The following PKHD1L1 variants were observed in gnomAD, a reference collection of about 807,000 sequenced individuals.
PKHD1L1 encodes PKHD1 like 1.
A neutral mutation model predicts 462.9 loss-of-function variants in PKHD1L1; 434 were observed. The ratio of observed to expected loss-of-function variants is 0.94; its 90% CI spans 0.87 to 1.02. The LOEUF (loss-of-function observed/expected upper bound fraction) is 1.02, where lower values mean the gene tolerates loss of function less well. Ranked by LOEUF, PKHD1L1 falls within the 50% of genes least tolerant of loss-of-function variation. PKHD1L1 has a pLI of 0.00. For missense variants in PKHD1L1, 5,202 were observed against 5,096.1 expected, an observed-to-expected ratio of 1.02 and a Z score of -0.63; for synonymous variants, 1,781 against 1,750.0, an observed-to-expected ratio of 1.02 and a Z score of -0.44.
In PKHD1L1 at chr8:109,406,473, C is replaced by T. The variant is rs1479045422; in HGVS notation, c.1808C>T (p.Thr603Ile). ...GTCTACATGGTAACATTCATATCAA[C>T]TAGAGGTAAGCATGTACTTAATTTT... ...SYVYMVTFISTRGDFDLLGYE... is the reference protein window; with the variant it reads ...SYVYMVTFISIRGDFDLLGYE... Residue 603 changes from threonine (T) to isoleucine (I), a missense_variant, in exon 17 of 78, where the codon ACT (threonine) becomes ATT (isoleucine). Thr to Ile is a moderately conservative substitution (Grantham distance 89). This residue lies in a region of PKHD1L1 where 4,497 missense variants were observed against 4,336.8 expected (regional missense o/e 1.04). Transcript: ENST00000378402. 1.9e-6 allele frequency: 3 copies of T among 1,598,102 alleles called. No homozygotes were observed. The highest frequency in any genetic ancestry group is 1.7e-6 in the Non-Finnish European group (2 of 1,172,274).
chr8:109,450,078 T>C (rs752315558), intron 40 of PKHD1L1, among the ~76,000 whole-genome samples: 23 of 152,216 alleles, frequency 1.5e-4, no homozygotes, highest in Admixed American at 6.5e-4. Flanking sequence ...GAGCCTGGGC[T>C]CTGAGGAGTT....
At chr8:109,408,289 A>C in intron 18 of PKHD1L1, 83 bp downstream of exon 18, 1 of 1,280,812 alleles carries the variant, frequency 7.8e-7, no homozygotes, top group Non-Finnish European at 1.0e-6. Flanking sequence ...CAGATGGGAA[A>C]GAGATGTTAC....
intron 2 of PKHD1L1, among the ~76,000 whole-genome samples, chr8:109,367,728 T>A (rs1413022136): frequency 6.6e-6 from 1 of 152,118 alleles, no homozygotes; most frequent in Non-Finnish European, 1.5e-5. Context: ...AGACCCTGTC[T>A]CTACAAATGA....
At chr8:109,521,581 C>G (rs924724447) in intron 73 of PKHD1L1, among the ~76,000 whole-genome samples, 17 of 152,010 alleles carry the variant, frequency 1.1e-4, no homozygotes, top group African/African-American at 3.6e-4. Flanking sequence ...CATTAAGGTA[C>G]CACTTTTTAA....
intron 72 of PKHD1L1, 144 bp downstream of exon 72, chr8:109,515,449 A>G: frequency 1.6e-6 from 1 of 630,002 alleles, no homozygotes; most frequent in East Asian, 3.4e-5. Context: ...ACCAAATACT[A>G]AGATGTTTTC....
chr8:109,385,197 A>G (rs1424233265), intron 5 of PKHD1L1, among the ~76,000 whole-genome samples: 1 of 150,206 alleles, frequency 6.7e-6, no homozygotes, highest in Non-Finnish European at 1.5e-5. Flanking sequence ...TTTATTTTTT[A>G]TATTTCATTT....
chr8:109,477,101 C>T (rs1818027205), intron 52 of PKHD1L1, 124 bp from the exon 53 acceptor site: 1 of 819,562 alleles, frequency 1.2e-6, no homozygotes, highest in Non-Finnish European at 1.9e-6. Flanking sequence ...CATACCTCTT[C>T]CATACATGTG....
intron 24 of PKHD1L1, 42 bp downstream of exon 24, chr8:109,425,274 CAT>C (rs1814685538): frequency 2.7e-6 from 4 of 1,472,262 alleles, no homozygotes; most frequent in Non-Finnish European, 3.6e-6. Context: ...TACGCACACA[CAT>C]ATGTATAACC....
rs1294189187 is a variant in PKHD1L1 at position 109,440,707 on chromosome 8, C to T, written c.3957-3C>T. ...TGAAAAATCTATTCATTTTTTTTCT[C>T]AGAGACAAATTAAATTCTTCAATAC... is the stretch of plus-strand genomic sequence containing the variant. On this transcript the variant is annotated splice_region_variant and splice_polypyrimidine_tract_variant and intron_variant, in intron 32 of 77. Transcript: ENST00000378402. The T allele has an allele frequency of 2.5e-6, 4 of 1,601,344 alleles. No homozygotes were observed. The Admixed American group carries it at 6.8e-5, about 27-fold the overall frequency.
In PKHD1L1 at chr8:109,523,338, T is replaced by A; in HGVS notation, c.12436T>A (p.Phe4146Ile). ...CCTTAGTGGAAATACAACAATTCCG[T>A]TTAGCAGCTGTTGGGCCAACTACAC... Reference protein sequence around the residue: ...NGLSGNTTIPFSSCWANYTDL... With the variant: ...NGLSGNTTIPISSCWANYTDL... The change falls in exon 76 of 78, where the codon TTT (phenylalanine) becomes ATT (isoleucine). Residue 4146 changes from phenylalanine (F) to isoleucine (I), a missense_variant. Physicochemically the swap from Phe to Ile is conservative, Grantham distance 21. This residue lies in a region of PKHD1L1 where 698 missense variants were observed against 736.3 expected (regional missense o/e 0.95). Transcript: ENST00000378402. 2 of 1,613,372 alleles carry A rather than the reference T, an allele frequency of 1.2e-6. No individual in the cohort carries two copies. Among genetic ancestry groups the A allele is most frequent in the Non-Finnish European group, 1.7e-6 (2 of 1,179,534 alleles).
chr8:109,436,527 A>G, intron 30 of PKHD1L1, 68 bp downstream of exon 30: 1 of 1,566,602 alleles, frequency 6.4e-7, no homozygotes, highest in Non-Finnish European at 8.7e-7. Flanking sequence ...GAAACATCTC[A>G]GTGGGGCGGG....
intron 21 of PKHD1L1, 68 bp from the exon 22 acceptor site, chr8:109,419,029 C>G (rs1814323884): frequency 7.6e-7 from 1 of 1,323,266 alleles, no homozygotes; most frequent in South Asian, 1.8e-5. Context: ...AATTTTAATG[C>G]TTTCTAAAGT....
chr8:109,384,429 G>C (rs972098137), intron 5 of PKHD1L1, among the ~76,000 whole-genome samples: 1 of 151,988 alleles, frequency 6.6e-6, no homozygotes, highest in Admixed American at 6.6e-5. Context: ...TTTAGTCCCA[G>C]CTACTCCGGA....
Position 109,464,636 on chromosome 8 carries a change from T to C in PKHD1L1, c.7804T>C (p.Cys2602Arg). Residue 2602 changes from cysteine (C) to arginine (R), a missense_variant, in exon 49 of 78, where the codon TGT (cysteine) becomes CGT (arginine). Physicochemically the swap from Cys to Arg is radical, Grantham distance 180 (BLOSUM62 -3). Coordinates refer to ENST00000378402, the MANE Select transcript of PKHD1L1 (RefSeq NM_177531.6). ...TGGGCCATCCTATGACAGAAACATT[T>C]GTCAAAAAAGAGTTCCCCTTGGCGA... ...PDGPSYDRNI[C>R]QKRVPLGEFF... The C allele has an allele frequency of 6.2e-7, 1 of 1,612,700 alleles. No individual in the cohort carries two copies. The highest frequency in any genetic ancestry group is 1.1e-5 in the South Asian group (1 of 91,084).
chr8:109,438,568 G>C, intron 31 of PKHD1L1, 112 bp downstream of exon 31: 1 of 927,122 alleles, frequency 1.1e-6, no homozygotes, highest in South Asian at 1.9e-5. Flanking sequence ...AGTGAAACCA[G>C]TTATAGTGTT....
intron 2 of PKHD1L1, among the ~76,000 whole-genome samples, chr8:109,366,179 C>G (rs1811221414): frequency 1.3e-5 from 2 of 152,130 alleles, no homozygotes; most frequent in South Asian, 4.1e-4. Flanking sequence ...TTTGTGTGGA[C>G]GTTCTGAGGC....
chr8:109,518,380 T>TA lies in PKHD1L1; in HGVS notation c.11904dup (p.Pro3969ThrfsTer3). On this transcript the variant is annotated frameshift_variant, in exon 73 of 78. Transcript: ENST00000378402. LOFTEE classifies it high-confidence loss of function. ...AAAAATCTTGCCTTGTTCCTAAAGA[T>TA]ACCAAGTGACAAAATCCGTATCAGC... is the stretch of plus-strand genomic sequence containing the variant. 1 of 1,613,320 alleles carries TA rather than the reference T, an allele frequency of 6.2e-7. No individual in the cohort carries two copies. The highest frequency in any genetic ancestry group is 1.1e-5 in the South Asian group (1 of 91,074).
At chr8:109,408,009 T>C in intron 17 of PKHD1L1, 40 bp from the exon 18 acceptor site, 1 of 1,434,980 alleles carries the variant, frequency 7.0e-7, no homozygotes, top group Non-Finnish European at 9.3e-7. Flanking sequence ...GGCATTTTAT[T>C]AGTTAATGTC....
At chr8:109,369,889 T>C in intron 2 of PKHD1L1, among the ~76,000 whole-genome samples, 1 of 152,240 alleles carries the variant, frequency 6.6e-6, no homozygotes. Context: ...CTCTCACATG[T>C]GAAATTGGTA....
Sources: allele counts gnomAD v4.1 joint callset (sites outside exome capture counted in the v4.1 genomes callset), GRCh38; gene constraint gnomAD v4.1.1; regional missense constraint gnomAD v4.1.1; transcripts MANE v1.5; gene names NCBI Gene and HGNC (gene_info 2026-07-23, HGNC 2026-07-21).